Variants in NT5C2 observed in about 807,000 individuals in gnomAD.
NT5C2 encodes cytosolic purine 5'-nucleotidase.
In NT5C2, 58 loss-of-function variants were observed where a neutral mutation model predicts 76.1. That is an observed-to-expected ratio of 0.76 (90% CI 0.62 to 0.95). NT5C2 has a LOEUF of 0.95. Ranked by LOEUF, NT5C2 falls within the 40% of genes least tolerant of loss-of-function variation. NT5C2 has a pLI of 0.00. For synonymous variants in NT5C2, 229 were observed against 237.4 expected, an observed-to-expected ratio of 0.96 and a Z score of 0.32; for missense variants, 478 against 690.3, an observed-to-expected ratio of 0.69 and a Z score of 3.45.
intron 1 of NT5C2, among the ~76,000 whole-genome samples, chr10:103,183,617 G>A (rs982040095): frequency 6.9e-6 from 1 of 144,484 alleles, no homozygotes; most frequent in African/African-American, 2.6e-5. Flanking sequence ...CTGGGTTCAC[G>A]CCATATATAT....
intron 1 of NT5C2, among the ~76,000 whole-genome samples, chr10:103,192,575 G>A (rs1264365530): frequency 2.0e-5 from 3 of 152,262 alleles, no homozygotes; most frequent in Non-Finnish European, 4.4e-5. Context: ...ACCAGGAGCT[G>A]TCCGGATGTT....
chr10:103,153,883 G>C (rs1591532541), intron 3 of NT5C2: 11 of 702,040 alleles, frequency 1.6e-5, no homozygotes, highest in Non-Finnish European at 1.8e-5. Flanking sequence ...GGAACCTAAA[G>C]TATTTCCACA....
Position 103,137,795 on chromosome 10 carries a change from G to T in NT5C2, c.175+1611C>A, listed in dbSNP as rs368603634. On this transcript the variant is annotated intron_variant, in intron 4 of 18. Transcript: ENST00000404739. ...GATTGAAAATATTTTACTAAATTCT[G>T]GAAAGATGTTATAACTACTGATTAA... is the stretch of plus-strand genomic sequence containing the variant. Among the ~76,000 whole-genome samples the T allele has an allele frequency of 4.3e-4, 65 of 152,136 alleles. 1 individual carries two copies. The highest frequency in any genetic ancestry group is 1.5e-3 in the African/African-American group (62 of 41,504).
At chr10:103,096,688 A>C (rs1305479736) in intron 11 of NT5C2, among the ~76,000 whole-genome samples, 2 of 151,858 alleles carry the variant, frequency 1.3e-5, no homozygotes, top group Non-Finnish European at 2.9e-5. Context: ...TACTAAAAAT[A>C]CAAAAAAATT....
chr10:103,128,908 G>A lies in NT5C2; in HGVS notation c.175+10498C>T, dbSNP rs1368626860. On this transcript the variant is annotated intron_variant, in intron 4 of 18. Coordinates refer to ENST00000404739, the MANE Select transcript of NT5C2 (RefSeq NM_001351169.2). ...TGAGAAGTGAGGAGCCTCTCCGCCC[G>A]GCAGCCACCCCATCTGGGAAGTGAG... Among the ~76,000 whole-genome samples the A allele has an allele frequency of 1.8e-4, 17 of 92,400 alleles. 1 individual carries two copies. The highest frequency in any genetic ancestry group is 3.3e-4 in the Non-Finnish European group (14 of 42,506). The allele number at this position is 92,400 out of a possible 152,430, so 60.6% of individuals were successfully genotyped here.
At chr10:103,129,442 A>T (rs1170425883) in intron 4 of NT5C2, among the ~76,000 whole-genome samples, 18 of 84,520 alleles carry the variant, frequency 2.1e-4, no homozygotes, top group South Asian at 5.1e-4. Flanking sequence ...GGAGCCCCTC[A>T]GCCCGGCCAG....
chr10:103,184,135 A>G (rs984036705), intron 1 of NT5C2, among the ~76,000 whole-genome samples: 3 of 152,052 alleles, frequency 2.0e-5, no homozygotes, highest in African/African-American at 4.8e-5. Context: ...TATTTTTAGT[A>G]CAGACGGGGT....
At chr10:103,125,285 A>G (rs1297227938) in intron 4 of NT5C2, 3 of 601,348 alleles carry the variant, frequency 5.0e-6, no homozygotes, top group Non-Finnish European at 9.0e-6. Context: ...ACCATGCTTC[A>G]TTGTCACAGT....
intron 3 of NT5C2, among the ~76,000 whole-genome samples, chr10:103,165,793 TC>T (rs2134290511): frequency 6.6e-6 from 1 of 152,100 alleles, no homozygotes; most frequent in East Asian, 1.9e-4. Context: ...TGCCTCAGCC[TC>T]CCCAGTAGCT....
rs1288996838 is a variant in NT5C2, at chr10:103,174,938, A to G, written c.21T>C (p.Asp7=). 1 of 1,610,998 alleles carries G rather than the reference A, an allele frequency of 6.2e-7. No individual in the cohort carries two copies. Among genetic ancestry groups the G allele is most frequent in the Non-Finnish European group, 8.5e-7 (1 of 1,177,256 alleles). ...GCATATCTGCTGCATTCTGTAACCG[A>G]TCACTCCAGGAGGTTGACATTTTAT... MSTSWS[D]RLQNAADMPA... Residue 7 remains aspartate (D), a synonymous_variant, in exon 3 of 19, where the codon GAT becomes GAC. Coordinates refer to ENST00000404739, the MANE Select transcript of NT5C2 (RefSeq NM_001351169.2).
Position 103,089,150 on chromosome 10 carries a change from A to G in NT5C2, c.*522T>C, listed in dbSNP as rs7916854. The G allele has an allele frequency of 0.012, 2,751 of 227,080 alleles. 69 individuals are homozygous for G. The highest frequency in any genetic ancestry group is 0.054 in the African/African-American group (2,444 of 45,146). 14.1% of individuals were successfully genotyped at this position (227,080 alleles called of 1,614,324 possible). On this transcript the variant is annotated 3_prime_UTR_variant, in exon 19 of 19. Coordinates refer to ENST00000404739, the MANE Select transcript of NT5C2 (RefSeq NM_001351169.2). ...AGCAGCCTTGCCAGAGTCACTGAGG[A>G]TGAATTAAAGGCTTATAAAAGAAAA...
intron 3 of NT5C2, among the ~76,000 whole-genome samples, chr10:103,173,615 A>C (rs2088895677): frequency 7.0e-6 from 1 of 143,140 alleles, no homozygotes; most frequent in African/African-American, 2.6e-5. Flanking sequence ...CCGTCTCAAA[A>C]AAAAAAAAAA....
chr10:103,142,769 G>C (rs981047965), intron 3 of NT5C2, among the ~76,000 whole-genome samples: 1 of 152,150 alleles, frequency 6.6e-6, no homozygotes, highest in Non-Finnish European at 1.5e-5. Context: ...TGGATCACGA[G>C]GTCAGGAGTT....
chr10:103,183,877 T>C (rs1283096066), intron 1 of NT5C2, among the ~76,000 whole-genome samples: 1 of 152,034 alleles, frequency 6.6e-6, no homozygotes. Flanking sequence ...TCCTTGAAAC[T>C]GTTGCATTTA....
chr10:103,145,528 A>G (rs2081326369), intron 3 of NT5C2, among the ~76,000 whole-genome samples: 1 of 152,128 alleles, frequency 6.6e-6, no homozygotes, highest in African/African-American at 2.4e-5. Flanking sequence ...ACATTTCTAA[A>G]TTATTAACAA....
chr10:103,190,971 C>T (rs930649100), intron 1 of NT5C2, among the ~76,000 whole-genome samples: 1 of 152,134 alleles, frequency 6.6e-6, no homozygotes, highest in East Asian at 1.9e-4. Context: ...AGCAAGTGTA[C>T]TAGATAAAAA....
intron 3 of NT5C2, among the ~76,000 whole-genome samples, chr10:103,148,193 T>G (rs2081822776): frequency 6.6e-6 from 1 of 152,226 alleles, no homozygotes; most frequent in Non-Finnish European, 1.5e-5. Context: ...AACAGACATC[T>G]AGTAGCATTA....
intron 1 of NT5C2, among the ~76,000 whole-genome samples, chr10:103,189,997 CTTT>C (rs1239145078): frequency 2.0e-4 from 22 of 108,042 alleles, no homozygotes; most frequent in African/African-American, 5.7e-4. Context: ...TTGTGGCTTT[CTTT>C]TTTTTTTTTT....
intron 1 of NT5C2, among the ~76,000 whole-genome samples, chr10:103,192,031 G>C (rs939907468): frequency 2.0e-5 from 3 of 150,120 alleles, no homozygotes; most frequent in Non-Finnish European, 3.0e-5. Flanking sequence ...AGGCCTGGAT[G>C]TCTTCATCTG....
Sources: gnomAD v4.1 joint callset for allele counts (sites outside exome capture counted in the v4.1 genomes callset) on GRCh38, gnomAD v4.1.1 for gene constraint, MANE v1.5 for transcripts, NCBI Gene and HGNC (gene_info 2026-07-23, HGNC 2026-07-21) for gene names.